STK10: variants seen among roughly 807,000 people sequenced by gnomAD.
The protein encoded by STK10 is serine/threonine kinase 10, also known as serine/threonine-protein kinase 10.
A neutral mutation model predicts 113.8 loss-of-function variants in STK10; 78 were observed. The ratio of observed to expected loss-of-function variants is 0.69; its 90% CI spans 0.57 to 0.83. The LOEUF (loss-of-function observed/expected upper bound fraction) is 0.83. Ranked by LOEUF, STK10 falls within the 40% of genes least tolerant of loss-of-function variation. The pLI, the probability that STK10 is intolerant of heterozygous loss-of-function variation, is 0.00. For synonymous variants in STK10, 465 were observed against 494.7 expected (o/e 0.94, Z 0.80); for missense variants, 1,109 against 1,280.1 (o/e 0.87, Z 2.04).
At chr5:172,047,988 C>T (rs555326128) in intron 18 of STK10, among the ~76,000 whole-genome samples, 11 of 150,360 alleles carry the variant, frequency 7.3e-5, no homozygotes, top group South Asian at 2.1e-4. Flanking sequence ...CTGCAACCTC[C>T]GCCTCCCGGG....
chr5:172,117,545 C>T lies in STK10; in HGVS notation c.456G>A (p.Arg152=). ...CAGCTTTCAGATCTCGGTGGATGAT[C>T]CTCTTGCTGTGCAGGAAGTTGAGGG... The part of the protein sequence containing the change: ...LEALNFLHSK[R]IIHRDLKAGN... Residue 152 remains arginine, a synonymous_variant, in exon 4 of 19, where the codon AGG becomes AGA. Transcript: ENST00000176763. 6.2e-7 allele frequency: 1 copy of T among 1,612,772 alleles called. No individual in the cohort carries two copies. Among genetic ancestry groups the T allele is most frequent in the Non-Finnish European group, 8.5e-7 (1 of 1,179,650 alleles).
intron 2 of STK10, among the ~76,000 whole-genome samples, chr5:172,131,027 C>T (rs933629475): frequency 2.8e-5 from 4 of 144,494 alleles, no homozygotes; most frequent in African/African-American, 7.9e-5. Context: ...GACATGCCAT[C>T]AGCTGTTTTT....
At chr5:172,057,501 G>A (rs1767831550) in intron 14 of STK10, 28 bp from the exon 15 acceptor site, 11 of 1,539,624 alleles carry the variant, frequency 7.1e-6, no homozygotes, top group South Asian at 3.6e-5. Context: ...CCGAGCTGGT[G>A]AGGTGCTGAC....
At chr5:172,147,290 C>T (rs1770105461) in intron 2 of STK10, among the ~76,000 whole-genome samples, 1 of 152,082 alleles carries the variant, frequency 6.6e-6, no homozygotes, top group Non-Finnish European at 1.5e-5. Context: ...TTTATGAAGA[C>T]TTCGTTACAC....
At position 172,187,309 on chromosome 5, in the gene STK10, C is replaced by T. The variant is rs538440936; in HGVS notation, c.156+578G>A. On this transcript the variant is annotated intron_variant, in intron 1 of 18. Coordinates refer to ENST00000176763, the MANE Select transcript of STK10 (RefSeq NM_005990.4). This position sits in a 1 kb window ranked among gnomAD's most constrained non-coding sequence, Gnocchi z 4.6. ...AGCATTCACCAGATCCTGACCTCCCCCTCTGACCAGCCCCAACCCACCTTT... is the reference window on the plus strand; with the variant it reads ...AGCATTCACCAGATCCTGACCTCCCTCTCTGACCAGCCCCAACCCACCTTT... Among the ~76,000 whole-genome samples the T allele has an allele frequency of 6.6e-6, 1 of 152,138 alleles. No individual in the cohort carries two copies. The highest frequency in any genetic ancestry group is 2.4e-5 in the African/African-American group (1 of 41,434).
chr5:172,107,678 T>TGCCCACAGGCTG, intron 5 of STK10, 102 bp downstream of exon 5: 1 of 1,075,814 alleles, frequency 9.3e-7, no homozygotes, highest in African/African-American at 1.7e-5. Flanking sequence ...GCAGGGCGTG[T>TGCCCACAGGCTG]AGCCCTTGTC....
chr5:172,183,872 C>T (rs1474721228), intron 1 of STK10, among the ~76,000 whole-genome samples: 3 of 152,108 alleles, frequency 2.0e-5, no homozygotes, highest in East Asian at 1.9e-4. Flanking sequence ...AAAATCAATC[C>T]TATCCTCCTC....
At chr5:172,131,195 G>A (rs540992834) in intron 2 of STK10, among the ~76,000 whole-genome samples, 20 of 152,010 alleles carry the variant, frequency 1.3e-4, no homozygotes, top group Admixed American at 7.9e-4. Context: ...CACCACATCC[G>A]GCTAATTTTT....
intron 14 of STK10, among the ~76,000 whole-genome samples, chr5:172,058,474 G>A (rs1196508885): frequency 6.6e-6 from 1 of 152,178 alleles, no homozygotes; most frequent in African/African-American, 2.4e-5. Context: ...TTTTATAAAT[G>A]AGCCAAAAAT....
chr5:172,104,176 T>C (rs1386248663), intron 7 of STK10, among the ~76,000 whole-genome samples: 2 of 152,214 alleles, frequency 1.3e-5, no homozygotes, highest in Non-Finnish European at 2.9e-5. Context: ...TCTAAGGCTG[T>C]CATGCTGAGG....
chr5:172,105,805 G>T, intron 6 of STK10, 68 bp from the exon 7 acceptor site: 1 of 1,391,934 alleles, frequency 7.2e-7, no homozygotes, highest in Non-Finnish European at 1.0e-6. Context: ...CCACGTCACA[G>T]ACTCCACTGT....
At chr5:172,135,385 G>A (rs1015195621) in intron 2 of STK10, among the ~76,000 whole-genome samples, 6 of 152,068 alleles carry the variant, frequency 3.9e-5, no homozygotes, top group East Asian at 3.9e-4. Flanking sequence ...GGTGGCACAC[G>A]CCTGTAGTCC....
At position 172,093,666 on chromosome 5, in the gene STK10, C is replaced by T; in HGVS notation, c.1300G>A (p.Gly434Ser). The part of the protein sequence containing the change: ...VAQEKQVAEQ[G>S]GDLSPAANRS... Reference sequence around the variant, plus strand: ...TTGGCTGCTGGGCTGAGGTCCCCACCCTGCTCAGCAACTTGCTTCTCCTGG... The same window carrying T: ...TTGGCTGCTGGGCTGAGGTCCCCACTCTGCTCAGCAACTTGCTTCTCCTGG... The change falls in exon 9 of 19, where the codon GGT becomes AGT. Residue 434 changes from glycine (G) to serine (S), a missense_variant. By Grantham distance (56) the Gly-to-Ser change is moderately conservative. Coordinates refer to ENST00000176763, the MANE Select transcript of STK10 (RefSeq NM_005990.4). This position sits in a 1 kb window ranked among gnomAD's most constrained non-coding sequence, Gnocchi z 4.1. The T allele has an allele frequency of 6.2e-7, 1 of 1,614,254 alleles. No individual in the cohort carries two copies. Among genetic ancestry groups the T allele is most frequent in the Non-Finnish European group, 8.5e-7 (1 of 1,180,050 alleles).
chr5:172,077,583 C>G (rs1768339529), intron 12 of STK10, among the ~76,000 whole-genome samples: 1 of 152,188 alleles, frequency 6.6e-6, no homozygotes, highest in Admixed American at 6.5e-5. Flanking sequence ...CAGTAAATTA[C>G]TTGAAATTGA....
Position 172,093,401 on chromosome 5 carries a change from G to C in STK10, c.1554+11C>G. The C allele has an allele frequency of 1.3e-6, 2 of 1,575,564 alleles. No individual in the cohort carries two copies. The highest frequency in any genetic ancestry group is 1.7e-6 in the Non-Finnish European group (2 of 1,154,688). On this transcript the variant is annotated intron_variant, in intron 9 of 18. Coordinates refer to ENST00000176763, the MANE Select transcript of STK10 (RefSeq NM_005990.4). This position sits in a 1 kb window ranked among gnomAD's most constrained non-coding sequence, Gnocchi z 4.1. ...CTTGCTGCAAGCCCGTGGTGGCAGA[G>C]GCGGTGTTACCTTGATGGACAGAGA... is the stretch of plus-strand genomic sequence containing the variant.
intron 1 of STK10, among the ~76,000 whole-genome samples, chr5:172,181,110 CT>C (rs1296533732): frequency 6.6e-6 from 1 of 152,204 alleles, no homozygotes; most frequent in African/African-American, 2.4e-5. Context: ...CCATGTGCAT[CT>C]GCCATCAGAT....
intron 3 of STK10, among the ~76,000 whole-genome samples, chr5:172,118,451 G>A (rs1424134185): frequency 6.6e-6 from 1 of 152,166 alleles, no homozygotes; most frequent in Admixed American, 6.6e-5. Flanking sequence ...ACCCCTTATA[G>A]CTGGGGGAAC....
In STK10 at chr5:172,083,051, C is replaced by T; in HGVS notation, c.1719G>A (p.Gln573=). 6.2e-6 allele frequency: 10 copies of T among 1,614,178 alleles called. No individual in the cohort carries two copies. The Middle Eastern group carries it at 1.7e-3, about 267-fold the overall frequency. ...GGGTCTGGTTCCGATGCTCTTCTTT[C>T]TGGAGCAGCCGAAGCTCTCGGAGTT... ...RQELRELRLL[Q]KEEHRNQTQL... The change falls in exon 11 of 19, where the codon CAG becomes CAA. Residue 573 remains glutamine (Q), a synonymous_variant. Coordinates refer to ENST00000176763, the MANE Select transcript of STK10 (RefSeq NM_005990.4).
rs975123610 is a variant in STK10, at chr5:172,138,278, C to T, written c.322-10857G>A. On this transcript the variant is annotated intron_variant, in intron 2 of 18. Coordinates refer to ENST00000176763, the MANE Select transcript of STK10 (RefSeq NM_005990.4). Reference sequence around the variant, plus strand: ...CTGGAATTACAGGCATGTGCCACCACGCCTGGCTAATTTTTTTGTATTTTT... The same window carrying T: ...CTGGAATTACAGGCATGTGCCACCATGCCTGGCTAATTTTTTTGTATTTTT... Among the ~76,000 whole-genome samples the T allele has an allele frequency of 5.3e-5, 8 of 152,224 alleles. No individual in the cohort carries two copies. In the South Asian group the frequency reaches 6.2e-4, roughly 12 times the overall value.
Sources: allele counts gnomAD v4.1 joint callset (sites outside exome capture counted in the v4.1 genomes callset), GRCh38; gene constraint gnomAD v4.1.1; non-coding constraint Gnocchi (gnomAD v3.1); transcripts MANE v1.5; gene names NCBI Gene and HGNC (gene_info 2026-07-23, HGNC 2026-07-21).